BDNF: variants seen among roughly 807,000 people sequenced by gnomAD.
The protein encoded by BDNF is neurotrophic factor BDNF precursor form.
In BDNF, 1 loss-of-function variant was observed where a neutral mutation model predicts 19.5. The observed-to-expected ratio is 0.05, with a 90% CI of 0.02 to 0.24. The LOEUF is 0.24. Among genes scored for constraint, BDNF ranks in the 10% least tolerant of loss-of-function variants. The probability of loss-of-function intolerance (pLI) is 1.00; values close to 1 mark genes in which losing one functional copy is unlikely to be tolerated. For synonymous variants in BDNF, 100 were observed against 121.6 expected, an observed-to-expected ratio of 0.82 and a Z score of 1.17; for missense variants, 195 against 317.6, an observed-to-expected ratio of 0.61 and a Z score of 2.93.
At chr11:27,661,183 A>T (rs1044287466) in intron 1 of BDNF, among the ~76,000 whole-genome samples, 18 of 152,158 alleles carry the variant, frequency 1.2e-4, no homozygotes, top group African/African-American at 4.1e-4. Context: ...GTCCAACCCC[A>T]CATTGCAAGC....
rs904990506 is a variant in BDNF, at chr11:27,696,825, A to G, written c.-22+3339T>C. ...CAAGTTGAAAATTAATGTTTTAATC[A>G]CTAAAATCAAATCCATATTATGGGC... On this transcript the variant is annotated intron_variant, in intron 1 of 1. Coordinates refer to ENST00000356660, the MANE Select transcript of BDNF (RefSeq NM_001709.5). 2.0e-5 allele frequency among the ~76,000 whole-genome samples: 3 copies of G among 152,238 alleles called. No homozygotes were observed. The East Asian group carries it at 5.8e-4, about 29-fold the overall frequency.
intron 1 of BDNF, among the ~76,000 whole-genome samples, chr11:27,683,090 T>C (rs925017365): frequency 1.3e-5 from 2 of 152,232 alleles, no homozygotes; most frequent in African/African-American, 2.4e-5. Flanking sequence ...GACTTTTTAA[T>C]GATCGCCATT....
chr11:27,710,589 C>A (rs1349930312), intron 1 of BDNF, among the ~76,000 whole-genome samples: 2 of 152,194 alleles, frequency 1.3e-5, no homozygotes, highest in South Asian at 4.1e-4. Flanking sequence ...TAGTCCCCAA[C>A]AGGGACTATA....
upstream of BDNF, chr11:27,700,516 C>T: frequency 4.9e-6 from 4 of 812,912 alleles, no homozygotes; most frequent in Non-Finnish European, 4.1e-6. Context: ...GGTCAAACGG[C>T]GCCGCCCCCC....
chr11:27,689,715 T>A (rs998276360), intron 1 of BDNF, among the ~76,000 whole-genome samples: 4 of 152,214 alleles, frequency 2.6e-5, no homozygotes, highest in Non-Finnish European at 4.4e-5. Flanking sequence ...TTATTTTTTA[T>A]TTTACTTTAA....
chr11:27,679,518 T>C (rs985242832), intron 1 of BDNF, among the ~76,000 whole-genome samples: 63 of 152,220 alleles, frequency 4.1e-4, no homozygotes, highest in African/African-American at 1.4e-3. Flanking sequence ...ACTTGGTAAC[T>C]CAATAGACTT....
chr11:27,693,686 C>T (rs1858603536), intron 1 of BDNF, among the ~76,000 whole-genome samples: 1 of 152,174 alleles, frequency 6.6e-6, no homozygotes, highest in African/African-American at 2.4e-5. Context: ...TCAGATTCTA[C>T]ATGATGTAAA....
At chr11:27,719,966 G>A (rs1304684858) in intron 1 of BDNF, among the ~76,000 whole-genome samples, 2 of 151,884 alleles carry the variant, frequency 1.3e-5, no homozygotes, top group East Asian at 3.9e-4. Context: ...CAAATTTTAG[G>A]AATTCGAATG....
chr11:27,712,176 A>G (rs1860352618), intron 1 of BDNF, among the ~76,000 whole-genome samples: 1 of 152,206 alleles, frequency 6.6e-6, no homozygotes, highest in African/African-American at 2.4e-5. Context: ...CATTTACTAA[A>G]TTAATATTTC....
chr11:27,675,586 G>A (rs1368044733), intron 1 of BDNF: 1 of 152,136 alleles, frequency 6.6e-6, no homozygotes, highest in Non-Finnish European at 1.5e-5. Flanking sequence ...GCACCCAACA[G>A]AATCCCTTCA....
At position 27,657,512 on chromosome 11, in the gene BDNF, T is replaced by C. The variant is rs1481378865; in HGVS notation, c.*309A>G. On this transcript the variant is annotated 3_prime_UTR_variant, in exon 2 of 2. Coordinates refer to ENST00000356660, the MANE Select transcript of BDNF (RefSeq NM_001709.5). This position sits in a 1 kb window ranked among gnomAD's most constrained non-coding sequence, Gnocchi z 5.0. ...GGACAGTTTATTATCAATTCACAAT[T>C]AAAGCAGCATGCAATTTATTATTTT... The C allele has an allele frequency of 8.8e-7, 1 of 1,132,240 alleles. No individual in the cohort carries two copies. Among genetic ancestry groups the C allele is most frequent in the Non-Finnish European group, 1.1e-6 (1 of 920,662 alleles). 70.1% of individuals were successfully genotyped at this position (1,132,240 alleles called of 1,614,324 possible). A position where few individuals can be genotyped will look rare whatever the true frequency, so the allele number is the denominator to read the frequency against.
chr11:27,657,786 T>A lies in BDNF; in HGVS notation c.*35A>T, dbSNP rs1275556230. The A allele has an allele frequency of 1.2e-6, 2 of 1,607,830 alleles. No individual in the cohort carries two copies. Among genetic ancestry groups the A allele is most frequent in the East Asian group, 4.5e-5 (2 of 44,852 alleles). Reference sequence around the variant, plus strand: ...TATATATACAAATAGATAATTTTTGTCTCAATATAATCTAATCTATACAAC... The same window carrying A: ...TATATATACAAATAGATAATTTTTGACTCAATATAATCTAATCTATACAAC... On this transcript the variant is annotated 3_prime_UTR_variant, in exon 2 of 2. Transcript: ENST00000356660. This position sits in a 1 kb window ranked among gnomAD's most constrained non-coding sequence, Gnocchi z 5.0.
intron 1 of BDNF, among the ~76,000 whole-genome samples, chr11:27,709,282 C>T (rs527987659): frequency 1.3e-5 from 2 of 152,158 alleles, no homozygotes; most frequent in African/African-American, 4.8e-5. Flanking sequence ...AATGAAGTAA[C>T]TCTGAAATAA....
intron 1 of BDNF, among the ~76,000 whole-genome samples, chr11:27,699,124 C>T (rs1859570962): frequency 6.6e-6 from 1 of 150,570 alleles, no homozygotes; most frequent in Admixed American, 6.6e-5. Context: ...CTCTTGGCAG[C>T]ATGGCCGGCA....
intron 1 of BDNF, among the ~76,000 whole-genome samples, chr11:27,664,780 C>T (rs766469745): frequency 1.3e-5 from 2 of 152,040 alleles, no homozygotes; most frequent in African/African-American, 2.4e-5. Context: ...ACACTATTGC[C>T]CTAGGAAAGC....
chr11:27,720,349 C>T (rs1860702518), intron 1 of BDNF: 2 of 985,798 alleles, frequency 2.0e-6, no homozygotes, highest in Admixed American at 1.2e-4. Context: ...TGCTTACCTT[C>T]TTTGCGGCTT....
At chr11:27,668,120 A>C (rs942916695) in intron 1 of BDNF, among the ~76,000 whole-genome samples, 1 of 152,236 alleles carries the variant, frequency 6.6e-6, no homozygotes, top group East Asian at 1.9e-4. Flanking sequence ...AAACTCACTC[A>C]GAACCACTCA....
chr11:27,712,701 G>A (rs1467796699), intron 1 of BDNF, among the ~76,000 whole-genome samples: 1 of 151,644 alleles, frequency 6.6e-6, no homozygotes, highest in Non-Finnish European at 1.5e-5. Flanking sequence ...TTTTGGTAAA[G>A]ACAGGGTTTT....
chr11:27,699,261 C>T lies in BDNF; in HGVS notation c.-22+903G>A, dbSNP rs73446386. On this transcript the variant is annotated intron_variant, in intron 1 of 1. Coordinates refer to ENST00000356660, the MANE Select transcript of BDNF (RefSeq NM_001709.5). ...CAAACACTGCATCCTCCAGTTCACC[C>T]TCGCAGCCCCGAGGCTTCTTCCTTA... The T allele has an allele frequency of 1.7e-3, 2,325 of 1,407,504 alleles. 31 individuals are homozygous for T. The African/African-American group carries it at 0.027, about 16-fold the overall frequency. 87.2% of individuals were successfully genotyped at this position (1,407,504 alleles called of 1,614,324 possible). A position where few individuals can be genotyped will look rare whatever the true frequency, so the allele number is the denominator to read the frequency against.
Sources: allele counts gnomAD v4.1 joint callset (sites outside exome capture counted in the v4.1 genomes callset), GRCh38; gene constraint gnomAD v4.1.1; non-coding constraint Gnocchi (gnomAD v3.1); transcripts MANE v1.5; gene names NCBI Gene and HGNC (gene_info 2026-07-23, HGNC 2026-07-21).